The following FGF5 variants were observed in gnomAD, a reference collection of about 807,000 sequenced individuals.
FGF5 encodes fibroblast growth factor 5.
A neutral mutation model predicts 21.8 loss-of-function variants in FGF5; 23 were observed. The observed-to-expected ratio is 1.05, with a 90% confidence interval of 0.76 to 1.49. The LOEUF is 1.49. Among genes scored for constraint, FGF5 ranks in the 40% most tolerant of loss-of-function variants. The pLI is 0.00. For synonymous variants in FGF5, 158 were observed against 124.0 expected, an observed-to-expected ratio of 1.27 and a Z score of -1.82; for missense variants, 352 against 332.9, an observed-to-expected ratio of 1.06 and a Z score of -0.45.
chr4:80,282,865 G>T (rs563700757), intron 2 of FGF5, among the ~76,000 whole-genome samples: 15 of 151,944 alleles, frequency 9.9e-5, no homozygotes, highest in African/African-American at 3.6e-4. Flanking sequence ...TTAAAAAAAA[G>T]ATTTAAAAAA....
In FGF5 at chr4:80,286,549, T is replaced by C. The variant is rs1416161137; in HGVS notation, c.684T>C (p.Ser228=). The part of the protein sequence containing the change: ...RFKQSEQPEL[S]FTVTVPEKKK... Reference sequence around the variant, plus strand: ...AGCAGTCGGAGCAGCCAGAACTTTCTTTCACGGTTACTGTTCCTGAAAAGA... The same window carrying C: ...AGCAGTCGGAGCAGCCAGAACTTTCCTTCACGGTTACTGTTCCTGAAAAGA... Residue 228 remains serine (S), a synonymous_variant, in exon 3 of 3, where the codon TCT becomes TCC. Transcript: ENST00000312465. The C allele has an allele frequency of 6.2e-7, 1 of 1,614,076 alleles. No homozygotes were observed. Among genetic ancestry groups the C allele is most frequent in the South Asian group, 1.1e-5 (1 of 91,082 alleles).
intron 2 of FGF5, among the ~76,000 whole-genome samples, chr4:80,275,625 C>G (rs911591787): frequency 1.3e-5 from 2 of 151,932 alleles, no homozygotes; most frequent in Non-Finnish European, 2.9e-5. Flanking sequence ...TTTATTCAGA[C>G]CAGTTTTATA....
chr4:80,269,840 A>AT (rs746792653), intron 1 of FGF5, among the ~76,000 whole-genome samples: 4 of 151,520 alleles, frequency 2.6e-5, no homozygotes, highest in Non-Finnish European at 5.9e-5. Context: ...AATCATAGTA[A>AT]TTTTCTGCTT....
intron 2 of FGF5, among the ~76,000 whole-genome samples, chr4:80,284,999 C>G (rs1436507072): frequency 6.6e-6 from 1 of 152,116 alleles, no homozygotes; most frequent in African/African-American, 2.4e-5. Context: ...GTAGTCTTAA[C>G]TAGTACAGGA....
Position 80,287,080 on chromosome 4 carries a change from TG to T in FGF5, c.*409del, listed in dbSNP as rs1468507740. On this transcript the variant is annotated 3_prime_UTR_variant, in exon 3 of 3. Coordinates refer to ENST00000312465, the MANE Select transcript of FGF5 (RefSeq NM_004464.4). ...GCAGATAAAATATTTTGTTAACTTT[TG>T]TTTTTTTTTGTTTGTTTTCTTAAAA... 2 of 158,352 alleles carry T rather than the reference TG, an allele frequency of 1.3e-5. No homozygotes were observed. Among genetic ancestry groups the T allele is most frequent in the African/African-American group, 2.4e-5 (1 of 41,436 alleles). 9.8% of individuals were successfully genotyped at this position (158,352 alleles called of 1,614,324 possible).
intron 2 of FGF5, among the ~76,000 whole-genome samples, chr4:80,279,280 G>T (rs1008202847): frequency 5.3e-5 from 8 of 152,146 alleles, no homozygotes; most frequent in Non-Finnish European, 1.0e-4. Context: ...AATCTATTGG[G>T]ATAGTTAAGT....
In FGF5 at chr4:80,286,567, T is replaced by C. The variant is rs1364930497; in HGVS notation, c.702T>C (p.Pro234=). The C allele has an allele frequency of 5.0e-6, 8 of 1,614,074 alleles. No individual in the cohort carries two copies. Among genetic ancestry groups the C allele is most frequent in the Non-Finnish European group, 6.8e-6 (8 of 1,179,978 alleles). The part of the protein sequence containing the change: ...QPELSFTVTV[P]EKKKPPSPIK... ...AACTTTCTTTCACGGTTACTGTTCC[T>C]GAAAAGAAAAAGCCACCTAGCCCTA... The change falls in exon 3 of 3, where the codon CCT becomes CCC. Residue 234 remains proline (P), a synonymous_variant. Transcript: ENST00000312465.
intron 1 of FGF5, among the ~76,000 whole-genome samples, chr4:80,272,070 G>T (rs1720286183): frequency 1.3e-5 from 2 of 152,102 alleles, no homozygotes; most frequent in African/African-American, 4.8e-5. Flanking sequence ...GATCATAACA[G>T]TGTTCTTAAT....
rs763256891 is a variant in FGF5, at chr4:80,266,804, A to T, written c.-21A>T. 6.4e-7 allele frequency: 1 copy of T among 1,554,218 alleles called. No homozygotes were observed. The highest frequency in any genetic ancestry group is 8.7e-7 in the Non-Finnish European group (1 of 1,151,428). On this transcript the variant is annotated 5_prime_UTR_variant, in exon 1 of 3. Coordinates refer to ENST00000312465, the MANE Select transcript of FGF5 (RefSeq NM_004464.4). ...AGAATCAGCCCTACAAGATGCACTT[A>T]GGACCCCCGCGGCTGGAAGAATGAG...
intron 2 of FGF5, among the ~76,000 whole-genome samples, chr4:80,276,157 G>C (rs1720404718): frequency 6.6e-6 from 1 of 151,996 alleles, no homozygotes; most frequent in African/African-American, 2.4e-5. Context: ...GATTCGATGA[G>C]ATAATACATG....
chr4:80,277,580 G>T (rs1720448322), intron 2 of FGF5, among the ~76,000 whole-genome samples: 1 of 152,042 alleles, frequency 6.6e-6, no homozygotes, highest in Non-Finnish European at 1.5e-5. Context: ...CTGGGAAATT[G>T]TTTTTGTAAC....
At position 80,289,537 on chromosome 4, in the gene FGF5, C is replaced by G. The variant is rs1175321668; in HGVS notation, c.*2865C>G. ...AACTTTTATATTAATATTTAGGAGT[C>G]TATTTTGTCTATAGGTGACAAACAT... is the stretch of plus-strand genomic sequence containing the variant. On this transcript the variant is annotated 3_prime_UTR_variant, in exon 3 of 3. Coordinates refer to ENST00000312465, the MANE Select transcript of FGF5 (RefSeq NM_004464.4). 4 of 151,994 alleles carry G rather than the reference C, an allele frequency of 2.6e-5. No individual in the cohort carries two copies. The highest frequency in any genetic ancestry group is 5.9e-5 in the Non-Finnish European group (4 of 67,994). 9.4% of individuals were successfully genotyped at this position (151,994 alleles called of 1,614,324 possible).
chr4:80,284,873 G>A (rs532804783), intron 2 of FGF5, among the ~76,000 whole-genome samples: 99 of 152,206 alleles, frequency 6.5e-4, no homozygotes, highest in Middle Eastern at 3.4e-3. Context: ...AAAACTTCTT[G>A]GTTTGATATA....
chr4:80,286,223 GATCA>G, intron 2 of FGF5, 98 bp from the exon 3 acceptor site: 1 of 788,778 alleles, frequency 1.3e-6, no homozygotes, highest in Non-Finnish European at 2.0e-6. Flanking sequence ...GAGGAACAGA[GATCA>G]ACAAAATTAT....
At chr4:80,277,464 A>T (rs1212039804) in intron 2 of FGF5, among the ~76,000 whole-genome samples, 5 of 152,124 alleles carry the variant, frequency 3.3e-5, no homozygotes, top group African/African-American at 1.2e-4. Context: ...TTATAAAGTG[A>T]TTTATTTTTT....
chr4:80,271,594 G>A (rs1392155361), intron 1 of FGF5, among the ~76,000 whole-genome samples: 2 of 152,180 alleles, frequency 1.3e-5, no homozygotes, highest in Non-Finnish European at 2.9e-5. Flanking sequence ...CCATACTTGT[G>A]TATGCATGGG....
intron 1 of FGF5, among the ~76,000 whole-genome samples, chr4:80,272,032 T>C (rs1325946646): frequency 6.6e-6 from 1 of 152,138 alleles, no homozygotes. Context: ...CATTGTGAAA[T>C]CACTGCTGAC....
At chr4:80,281,746 A>AT (rs1553911430) in intron 2 of FGF5, among the ~76,000 whole-genome samples, 1 of 152,130 alleles carries the variant, frequency 6.6e-6, no homozygotes, top group Non-Finnish European at 1.5e-5. Flanking sequence ...TTTTAGAGAG[A>AT]TTTTTTTAAA....
At chr4:80,282,223 A>G (rs2109927546) in intron 2 of FGF5, among the ~76,000 whole-genome samples, 1 of 152,260 alleles carries the variant, frequency 6.6e-6, no homozygotes, top group African/African-American at 2.4e-5. Context: ...TGGCCTCCCA[A>G]AGTGCTGTGA....
Sources: gnomAD v4.1 joint callset for allele counts (sites outside exome capture counted in the v4.1 genomes callset) on GRCh38, gnomAD v4.1.1 for gene constraint, MANE v1.5 for transcripts, NCBI Gene and HGNC (gene_info 2026-07-23, HGNC 2026-07-21) for gene names.